Variants in ZNF148 observed in about 807,000 individuals in gnomAD.
The protein encoded by ZNF148 is zinc finger protein 148.
A neutral mutation model predicts 67.7 loss-of-function variants in ZNF148; 7 were observed. The ratio of observed to expected loss-of-function variants is 0.10; its 90% CI spans 0.06 to 0.19. ZNF148 has a LOEUF of 0.19. Ranked by LOEUF, ZNF148 falls within the 10% of genes least tolerant of loss-of-function variation. ZNF148 has a pLI of 1.00. For missense variants in ZNF148, 583 were observed against 947.1 expected, an observed-to-expected ratio of 0.62 and a Z score of 5.05; for synonymous variants, 333 against 330.7, an observed-to-expected ratio of 1.01 and a Z score of -0.08.
chr3:125,374,980 C>CCTCGCCACGGCTCG (rs1295804422), intron 1 of ZNF148, 122 bp downstream of exon 1: 1 of 151,806 alleles, frequency 6.6e-6, no homozygotes, highest in Non-Finnish European at 1.5e-5. Context: ...CCACCCCCAG[C>CCTCGCCACGGCTCG]CTCGCCACGG....
rs1940868955 is a variant in ZNF148, at chr3:125,323,381, T to TTTC, written c.-92_-90dup. The TTTC allele has an allele frequency of 1.1e-5, 8 of 696,060 alleles. No individual in the cohort carries two copies. Among genetic ancestry groups the TTTC allele is most frequent in the African/African-American group, 5.3e-5 (3 of 56,940 alleles). The allele number at this position is 696,060 out of a possible 1,614,324, so 43.1% of individuals were successfully genotyped here. A position where few individuals can be genotyped will look rare whatever the true frequency, so the allele number is the denominator to read the frequency against. On this transcript the variant is annotated 5_prime_UTR_variant, in exon 3 of 9. Transcript: ENST00000360647. The stretch of plus-strand genomic sequence containing the variant: ...AGTTGAAAAAGAAATCATGGTTGAG[T>TTTC]TTCTACCTTTCATAGGCTTCAGAAA...
intron 4 of ZNF148, among the ~76,000 whole-genome samples, chr3:125,300,594 T>C (rs766033921): frequency 3.3e-5 from 5 of 152,248 alleles, no homozygotes; most frequent in African/African-American, 9.6e-5. Context: ...CACATGCTGC[T>C]TTATAGCACA....
At chr3:125,276,720 C>T (rs1473202798) in intron 7 of ZNF148, among the ~76,000 whole-genome samples, 1 of 152,078 alleles carries the variant, frequency 6.6e-6, no homozygotes, top group Non-Finnish European at 1.5e-5. Context: ...AGGCATGAGC[C>T]ACTGAGCCCA....
At chr3:125,278,107 A>T (rs1268385018) in intron 6 of ZNF148, among the ~76,000 whole-genome samples, 1 of 152,154 alleles carries the variant, frequency 6.6e-6, no homozygotes, top group Non-Finnish European at 1.5e-5. Flanking sequence ...GGGGTGAGAA[A>T]GAAATACAGG....
rs748397575 is a variant in ZNF148, at chr3:125,230,611, G to A, written c.*1730C>T. ...AGTTATTTCTTCCCTTTCTTTATGA[G>A]AACAGTCTTGGGATAACATTAAATA... On this transcript the variant is annotated 3_prime_UTR_variant, in exon 9 of 9. Transcript: ENST00000360647. 6.6e-6 allele frequency: 1 copy of A among 152,322 alleles called. No homozygotes were observed. The allele number at this position is 152,322 out of a possible 1,614,324, so 9.4% of individuals were successfully genotyped here.
At chr3:125,331,977 AATAG>A (rs1468236194) in intron 1 of ZNF148, among the ~76,000 whole-genome samples, 5 of 152,222 alleles carry the variant, frequency 3.3e-5, no homozygotes, top group Non-Finnish European at 7.4e-5. Flanking sequence ...ATTCAGAAAC[AATAG>A]ATAAAGCATT....
chr3:125,263,904 T>A (rs1219957668), intron 7 of ZNF148, among the ~76,000 whole-genome samples: 1 of 152,112 alleles, frequency 6.6e-6, no homozygotes, highest in African/African-American at 2.4e-5. Flanking sequence ...TCAGCCCCAT[T>A]CTCCTCAACC....
intron 7 of ZNF148, among the ~76,000 whole-genome samples, chr3:125,274,259 A>T (rs1937924260): frequency 6.6e-6 from 1 of 152,208 alleles, no homozygotes; most frequent in Admixed American, 6.5e-5. Context: ...ATTATCTTCG[A>T]CCTTAGCCTC....
chr3:125,340,709 G>A (rs910972723), intron 1 of ZNF148, among the ~76,000 whole-genome samples: 1 of 152,088 alleles, frequency 6.6e-6, no homozygotes, highest in Admixed American at 6.5e-5. Context: ...CATGATGGCC[G>A]GGCGCGGTGG....
chr3:125,258,244 A>T (rs1937179334), intron 7 of ZNF148, among the ~76,000 whole-genome samples: 1 of 151,840 alleles, frequency 6.6e-6, no homozygotes, highest in Non-Finnish European at 1.5e-5. Context: ...AACACGGTGA[A>T]ACCCCATCTC....
intron 1 of ZNF148, among the ~76,000 whole-genome samples, chr3:125,373,609 A>C (rs1942962662): frequency 6.6e-6 from 1 of 152,102 alleles, no homozygotes; most frequent in Non-Finnish European, 1.5e-5. Context: ...TCTGATAACT[A>C]GTCCTGACCT....
chr3:125,234,502 G>GA (rs1220292491), intron 7 of ZNF148, among the ~76,000 whole-genome samples, 173 bp from the exon 8 acceptor site: 1 of 152,182 alleles, frequency 6.6e-6, no homozygotes, highest in African/African-American at 2.4e-5. Context: ...CTATTGGAAA[G>GA]AAAAGGATGA....
chr3:125,233,812 G>A lies in ZNF148; in HGVS notation c.914C>T (p.Thr305Ile). 1.9e-6 allele frequency: 3 copies of A among 1,613,740 alleles called. No homozygotes were observed. The highest frequency in any genetic ancestry group is 2.5e-6 in the Non-Finnish European group (3 of 1,179,886). The change falls in exon 9 of 9, where the codon ACA becomes ATA. Residue 305 changes from threonine to isoleucine, a missense_variant. Physicochemically the swap from Thr to Ile is moderately conservative, Grantham distance 89. Around this residue, in one of 5 missense-constraint regions of ZNF148, gnomAD observed 78 missense variants for 86.5 expected, o/e 0.90. Transcript: ENST00000360647. The surrounding 1 kb of genome is among the most constrained non-coding windows in gnomAD (Gnocchi z 5.1). The stretch of plus-strand genomic sequence containing the variant: ...TGGCAGTGAGTTGTCTTTTGGTGAT[G>A]TAGAAAAGCCAGAATCTTCCTCAGA... ...LTSEEDSGFS[T>I]SPKDNSLPKK...
intron 4 of ZNF148, among the ~76,000 whole-genome samples, chr3:125,295,442 G>C (rs1383080994): frequency 6.9e-6 from 1 of 144,236 alleles, no homozygotes; most frequent in Non-Finnish European, 1.5e-5. Context: ...GACAGAGTGA[G>C]ACTCCATCTC....
chr3:125,298,618 A>ATTTTTTTTTTTTTTTTTTTT (rs11312460), intron 4 of ZNF148, among the ~76,000 whole-genome samples: 1 of 102,658 alleles, frequency 9.7e-6, no homozygotes, highest in Non-Finnish European at 1.8e-5. Flanking sequence ...TTTATATTAA[A>ATTTTTTTTTTTTTTTTTTTT]TTTTTTTTTT....
At chr3:125,288,325 A>G in intron 4 of ZNF148, 97 bp from the exon 5 acceptor site, 1 of 1,275,754 alleles carries the variant, frequency 7.8e-7, no homozygotes, top group Non-Finnish European at 1.1e-6. Context: ...ACCCACATAC[A>G]GGTGCTTCCA....
intron 7 of ZNF148, among the ~76,000 whole-genome samples, chr3:125,235,537 G>A (rs1048808683): frequency 2.6e-5 from 4 of 152,064 alleles, no homozygotes; most frequent in Non-Finnish European, 4.4e-5. Flanking sequence ...TTTTCTCCCA[G>A]GTGAAAGGTA....
intron 5 of ZNF148, among the ~76,000 whole-genome samples, chr3:125,282,196 C>T (rs1263012210): frequency 2.6e-5 from 4 of 152,110 alleles, no homozygotes; most frequent in Admixed American, 6.6e-5. Context: ...AGCACACTAA[C>T]GCAGGCAAAA....
At chr3:125,346,301 A>G (rs1454887956) in intron 1 of ZNF148, among the ~76,000 whole-genome samples, 3 of 152,242 alleles carry the variant, frequency 2.0e-5, no homozygotes, top group African/African-American at 7.2e-5. Flanking sequence ...ACACCCAACT[A>G]GGAAAGGGAA....
Sources: allele counts gnomAD v4.1 joint callset (sites outside exome capture counted in the v4.1 genomes callset), GRCh38; gene constraint gnomAD v4.1.1; regional missense constraint gnomAD v4.1.1; non-coding constraint Gnocchi (gnomAD v3.1); transcripts MANE v1.5; gene names NCBI Gene and HGNC (gene_info 2026-07-23, HGNC 2026-07-21).